FGGY: variants seen among roughly 807,000 people sequenced by gnomAD.
FGGY encodes the protein FGGY carbohydrate kinase domain containing.
In FGGY, 72 loss-of-function variants were observed where a neutral mutation model predicts 71.3. The ratio of observed to expected loss-of-function variants is 1.01; its 90% confidence interval spans 0.84 to 1.23. FGGY has a LOEUF of 1.23. Ranked by LOEUF, FGGY falls within the 50% of genes most tolerant of loss-of-function variation. The probability of loss-of-function intolerance (pLI) is 0.00; values close to 1 mark genes in which losing one functional copy is unlikely to be tolerated. For missense variants in FGGY, 668 were observed against 682.3 expected (o/e 0.98, Z 0.23); for synonymous variants, 251 against 250.3 (o/e 1.00, Z -0.02).
chr1:59,593,722 C>T (rs964405592), intron 8 of FGGY, among the ~76,000 whole-genome samples: 2 of 152,176 alleles, frequency 1.3e-5, no homozygotes, highest in Non-Finnish European at 2.9e-5. Flanking sequence ...TCTTGCCATT[C>T]TTGCATTAAC....
intron 6 of FGGY, among the ~76,000 whole-genome samples, chr1:59,500,360 G>C (rs1219711040): frequency 6.6e-6 from 1 of 152,088 alleles, no homozygotes; most frequent in Non-Finnish European, 1.5e-5. Flanking sequence ...TTAGGCATGA[G>C]TGTGTTGTTA....
intron 8 of FGGY, among the ~76,000 whole-genome samples, chr1:59,605,859 G>A (rs2096618781): frequency 6.6e-6 from 1 of 152,090 alleles, no homozygotes; most frequent in Admixed American, 6.5e-5. Context: ...CATAGTAAGG[G>A]CTGAGTAAAT....
intron 7 of FGGY, among the ~76,000 whole-genome samples, chr1:59,530,258 C>T (rs1403651766): frequency 6.6e-6 from 1 of 152,138 alleles, no homozygotes; most frequent in African/African-American, 2.4e-5. Flanking sequence ...CCGGCTGTCA[C>T]CCAGCACTGC....
intron 7 of FGGY, among the ~76,000 whole-genome samples, chr1:59,519,561 T>A (rs996164515): frequency 1.3e-5 from 2 of 152,216 alleles, no homozygotes; most frequent in Non-Finnish European, 2.9e-5. Context: ...TAAAGTGGAA[T>A]TTATATATTT....
At chr1:59,372,993 CTG>C (rs1248681052) in intron 4 of FGGY, among the ~76,000 whole-genome samples, 1 of 152,104 alleles carries the variant, frequency 6.6e-6, no homozygotes, top group African/African-American at 2.4e-5. Flanking sequence ...CATTTGAAAA[CTG>C]GCACAAGACA....
rs542170952 is a variant in FGGY at position 59,509,979 on chromosome 1, A to T, written c.671-2332A>T. Among the ~76,000 whole-genome samples the T allele has an allele frequency of 3.3e-5, 5 of 152,102 alleles. No individual in the cohort carries two copies. In the South Asian group the frequency reaches 8.3e-4, roughly 25 times the overall value. On this transcript the variant is annotated intron_variant, in intron 6 of 15. Transcript: ENST00000303721. ...TGACCTTCCTATGAAAACCATTTTT[A>T]AAAAATCTCAATTTAGTAGGCAAGA... is the stretch of plus-strand genomic sequence containing the variant.
chr1:59,720,925 G>T (rs938371759), intron 14 of FGGY, among the ~76,000 whole-genome samples: 1 of 152,154 alleles, frequency 6.6e-6, no homozygotes, highest in Non-Finnish European at 1.5e-5. Context: ...TGCCCCAGCA[G>T]GTCTGGCTTC....
At chr1:59,575,959 T>C (rs1192624192) in intron 8 of FGGY, among the ~76,000 whole-genome samples, 2 of 152,160 alleles carry the variant, frequency 1.3e-5, no homozygotes, top group Non-Finnish European at 2.9e-5. Flanking sequence ...ATATACAAGA[T>C]CATATCATCT....
intron 1 of FGGY, among the ~76,000 whole-genome samples, chr1:59,320,519 C>G (rs2046202610): frequency 6.6e-6 from 1 of 152,150 alleles, no homozygotes; most frequent in Non-Finnish European, 1.5e-5. Flanking sequence ...AAAATAAAAG[C>G]CTCTATGAGA....
chr1:59,378,659 G>C, intron 4 of FGGY, 90 bp from the exon 5 acceptor site: 1 of 1,141,550 alleles, frequency 8.8e-7, no homozygotes, highest in South Asian at 1.4e-5. Flanking sequence ...TGTTGGCTAT[G>C]CTTTTGTTTT....
chr1:59,597,846 G>A (rs889360640), intron 8 of FGGY, among the ~76,000 whole-genome samples: 22 of 152,176 alleles, frequency 1.4e-4, no homozygotes, highest in Admixed American at 1.0e-3. Flanking sequence ...TCAAAAAAGA[G>A]CATTGGTTTT....
intron 1 of FGGY, among the ~76,000 whole-genome samples, chr1:59,297,436 G>T (rs1487883403): frequency 2.0e-5 from 3 of 152,352 alleles, no homozygotes; most frequent in Non-Finnish European, 4.4e-5. Flanking sequence ...GCACAGCTGA[G>T]TTTAGATGAG....
At chr1:59,656,560 A>G (rs2097219978) in intron 11 of FGGY, among the ~76,000 whole-genome samples, 1 of 152,230 alleles carries the variant, frequency 6.6e-6, no homozygotes, top group African/African-American at 2.4e-5. Flanking sequence ...TGAGATGTCA[A>G]GGAAACAAGG....
chr1:59,423,513 G>C (rs939791072), intron 5 of FGGY, among the ~76,000 whole-genome samples: 1 of 152,128 alleles, frequency 6.6e-6, no homozygotes, highest in Non-Finnish European at 1.5e-5. Flanking sequence ...CCTCCATACT[G>C]GTCTTCCTAT....
chr1:59,626,580 A>G (rs2096858489), intron 10 of FGGY: 1 of 152,262 alleles, frequency 6.6e-6, no homozygotes, highest in Non-Finnish European at 1.5e-5. Flanking sequence ...GGAAGTGGCC[A>G]GGTGCGGTGG....
At chr1:59,425,622 G>A (rs1330698366) in intron 5 of FGGY, among the ~76,000 whole-genome samples, 8 of 152,212 alleles carry the variant, frequency 5.3e-5, no homozygotes, top group South Asian at 2.1e-4. Flanking sequence ...AGACATTGGA[G>A]TTAAAGCTCT....
intron 5 of FGGY, among the ~76,000 whole-genome samples, chr1:59,382,847 T>C (rs7540287): frequency 0.021 from 3,191 of 152,290 alleles, 103 homozygotes; most frequent in African/African-American, 0.073. Flanking sequence ...CTCAGCACTT[T>C]GACTGCCTCC....
At chr1:59,653,995 G>T (rs1443975019) in intron 11 of FGGY, among the ~76,000 whole-genome samples, 1 of 152,086 alleles carries the variant, frequency 6.6e-6, no homozygotes, top group African/African-American at 2.4e-5. Context: ...ACGTCATCTG[G>T]CTATTAAATA....
At chr1:59,542,445 CTTTTTTTTTTTT>C (rs754831417) in intron 7 of FGGY, among the ~76,000 whole-genome samples, 78 of 34,260 alleles carry the variant, frequency 2.3e-3, no homozygotes, top group African/African-American at 4.0e-3. Flanking sequence ...ATGTTCTTTA[CTTTTTTTTTTTT>C]TTTTTTTTTT....
Sources: gnomAD v4.1 joint callset for allele counts (sites outside exome capture counted in the v4.1 genomes callset) on GRCh38, gnomAD v4.1.1 for gene constraint, MANE v1.5 for transcripts, NCBI Gene and HGNC (gene_info 2026-07-23, HGNC 2026-07-21) for gene names.